Variants in RTF1 observed in about 807,000 individuals in gnomAD.
RTF1 encodes the protein RNA polymerase-associated protein RTF1 homolog.
In RTF1, 10 loss-of-function variants were observed where a neutral mutation model predicts 95.7. That is an observed-to-expected ratio of 0.10 (90% confidence interval 0.06 to 0.18). The LOEUF (loss-of-function observed/expected upper bound fraction) is 0.18. RTF1 is among the 10% of genes least tolerant of loss of function. The pLI, the probability that RTF1 is intolerant of heterozygous loss-of-function variation, is 1.00. For synonymous variants in RTF1, 305 were observed against 311.8 expected, an observed-to-expected ratio of 0.98 and a Z score of 0.23; for missense variants, 458 against 875.6, an observed-to-expected ratio of 0.52 and a Z score of 6.02.
chr15:41,423,803 A>G (rs576603687), intron 1 of RTF1, among the ~76,000 whole-genome samples: 1 of 151,882 alleles, frequency 6.6e-6, no homozygotes, highest in Non-Finnish European at 1.5e-5. Flanking sequence ...CCCAGGCTGG[A>G]GTGCAGTGGG....
chr15:41,479,153 A>G lies in RTF1; in HGVS notation c.1869A>G (p.Lys623=), dbSNP rs1391299061. The change falls in exon 16 of 18, where the codon AAA becomes AAG. Residue 623 remains lysine (K), a synonymous_variant. Transcript: ENST00000389629. ...QAAILAQLNA[K]YGSGVLPDAP... ...CCATCTTGGCCCAGCTGAATGCAAA[A>G]TACGGTTCTGGAGTGTTACCAGATG... 1 of 1,614,080 alleles carries G rather than the reference A, an allele frequency of 6.2e-7. No homozygotes were observed. Among genetic ancestry groups the G allele is most frequent in the Non-Finnish European group, 8.5e-7 (1 of 1,179,968 alleles).
At chr15:41,477,749 G>A (rs1176044681) in intron 14 of RTF1, among the ~76,000 whole-genome samples, 1 of 152,138 alleles carries the variant, frequency 6.6e-6, no homozygotes, top group Non-Finnish European at 1.5e-5. Context: ...ACAGGTATTT[G>A]TTTTTTCTCA....
chr15:41,479,542 A>G (rs898190783), intron 16 of RTF1, among the ~76,000 whole-genome samples: 2 of 152,178 alleles, frequency 1.3e-5, no homozygotes, highest in Non-Finnish European at 2.9e-5. Flanking sequence ...TAAAAGTGAA[A>G]GCTTGTTGAA....
chr15:41,475,503 A>T (rs1010931297), intron 9 of RTF1, 22 bp from the exon 10 acceptor site: 1 of 1,602,396 alleles, frequency 6.2e-7, no homozygotes, highest in African/African-American at 1.3e-5. Context: ...TTTCTTGGAG[A>T]TGCTGTCTCT....
In RTF1 at chr15:41,465,380, T is replaced by C. The variant is rs148195634; in HGVS notation, c.777+495T>C. Reference sequence around the variant, plus strand: ...CAGCCCTCAACTGCAGTGACTCACATGTGTAATCCCAGCACTTTGAGAGGC... The same window carrying C: ...CAGCCCTCAACTGCAGTGACTCACACGTGTAATCCCAGCACTTTGAGAGGC... On this transcript the variant is annotated intron_variant, in intron 5 of 17. Transcript: ENST00000389629. Among the ~76,000 whole-genome samples the C allele has an allele frequency of 2.9e-4, 44 of 152,184 alleles. No homozygotes were observed. In the East Asian group the frequency reaches 8.5e-3, roughly 29 times the overall value.
At chr15:41,438,580 G>T (rs1254379330) in intron 2 of RTF1, 149 bp downstream of exon 2, 1 of 524,680 alleles carries the variant, frequency 1.9e-6, no homozygotes. Context: ...TGTAAGGAAG[G>T]CCGGGCGCTG....
At chr15:41,480,491 C>T in intron 17 of RTF1, 90 bp from the exon 18 acceptor site, 1 of 1,060,284 alleles carries the variant, frequency 9.4e-7, no homozygotes, top group Non-Finnish European at 1.5e-6. Context: ...GGAACAGGGC[C>T]ACAGTCAGGA....
intron 2 of RTF1, among the ~76,000 whole-genome samples, chr15:41,450,053 A>G (rs548982491): frequency 2.9e-4 from 44 of 152,134 alleles, no homozygotes; most frequent in South Asian, 1.2e-3. Context: ...CAAATTAGCC[A>G]GGTATAGTGG....
At chr15:41,428,976 A>G (rs2050653947) in intron 1 of RTF1, among the ~76,000 whole-genome samples, 1 of 152,058 alleles carries the variant, frequency 6.6e-6, no homozygotes, top group Non-Finnish European at 1.5e-5. Flanking sequence ...ACCTCAAGTA[A>G]TCTGCCCATC....
intron 6 of RTF1, among the ~76,000 whole-genome samples, chr15:41,468,706 T>C (rs930340552): frequency 2.6e-5 from 4 of 152,132 alleles, no homozygotes; most frequent in Admixed American, 6.6e-5. Flanking sequence ...AATTTTCCTT[T>C]CGTTTACCAG....
chr15:41,457,652 T>A lies in RTF1; in HGVS notation c.458-20T>A, dbSNP rs769864327. ...TCTTCTGTAGCATAGTGTAATCTTGTGTTTGGGCCTTTGTTGCAGGTGAAG... is the reference window on the plus strand; with the variant it reads ...TCTTCTGTAGCATAGTGTAATCTTGAGTTTGGGCCTTTGTTGCAGGTGAAG... On this transcript the variant is annotated intron_variant, in intron 3 of 17. Coordinates refer to ENST00000389629, the MANE Select transcript of RTF1 (RefSeq NM_015138.5). 7.4e-6 allele frequency: 12 copies of A among 1,612,964 alleles called. No homozygotes were observed. Among genetic ancestry groups the A allele is most frequent in the Non-Finnish European group, 1.0e-5 (12 of 1,178,936 alleles).
intron 4 of RTF1, among the ~76,000 whole-genome samples, chr15:41,462,952 G>A (rs1171336148): frequency 5.9e-5 from 9 of 152,042 alleles, no homozygotes; most frequent in Non-Finnish European, 1.3e-4. Context: ...AAGAGGTCTC[G>A]CTATGTTGTC....
At chr15:41,418,864 T>A (rs1048260143) in intron 1 of RTF1, among the ~76,000 whole-genome samples, 7 of 150,848 alleles carry the variant, frequency 4.6e-5, no homozygotes, top group Admixed American at 1.3e-4. Context: ...TATTTATTTA[T>A]TTTTTTTTGA....
At chr15:41,478,412 A>G in intron 14 of RTF1, 136 bp from the exon 15 acceptor site, 1 of 544,086 alleles carries the variant, frequency 1.8e-6, no homozygotes, top group East Asian at 3.6e-5. Context: ...AAAAAAATTA[A>G]AAAAAAAAAA....
chr15:41,471,275 T>G lies in RTF1; in HGVS notation c.1129T>G (p.Phe377Val). Reference sequence around the variant, plus strand: ...GCTAGAACGCTGGTGTCACATGCCCTTCTTTGCTAAAACTGTCACAGGATG... The same window carrying G: ...GCTAGAACGCTGGTGTCACATGCCCGTCTTTGCTAAAACTGTCACAGGATG... ...HKLERWCHMP[F>V]FAKTVTGCFV... The change falls in exon 8 of 18, where the codon TTC (phenylalanine) becomes GTC (valine). Residue 377 changes from phenylalanine to valine, a missense_variant. Phe to Val is a conservative substitution (Grantham distance 50). Around this residue, in one of 11 missense-constraint regions of RTF1, gnomAD observed 150 missense variants for 275.7 expected, o/e 0.54. Coordinates refer to ENST00000389629, the MANE Select transcript of RTF1 (RefSeq NM_015138.5). 2 of 1,614,062 alleles carry G rather than the reference T, an allele frequency of 1.2e-6. No homozygotes were observed. The highest frequency in any genetic ancestry group is 1.7e-6 in the Non-Finnish European group (2 of 1,179,990).
At chr15:41,472,936 C>CAG (rs1555387484) in intron 8 of RTF1, among the ~76,000 whole-genome samples, 1 of 151,326 alleles carries the variant, frequency 6.6e-6, no homozygotes, top group Non-Finnish European at 1.5e-5. Context: ...CTCCTAACCT[C>CAG]GTGATCCGCC....
At chr15:41,458,740 C>G (rs1345230179) in intron 4 of RTF1, among the ~76,000 whole-genome samples, 1 of 151,618 alleles carries the variant, frequency 6.6e-6, no homozygotes, top group Non-Finnish European at 1.5e-5. Context: ...GAGCGAGACT[C>G]TGTCTCAATA....
At chr15:41,459,481 G>A (rs1595435386) in intron 4 of RTF1, among the ~76,000 whole-genome samples, 2 of 152,202 alleles carry the variant, frequency 1.3e-5, no homozygotes, top group Admixed American at 6.5e-5. Flanking sequence ...ATAAGATTGC[G>A]TTGGTTTTAG....
At position 41,480,774 on chromosome 15, in the gene RTF1, C is replaced by A; in HGVS notation, c.*87C>A. The A allele has an allele frequency of 2.1e-6, 2 of 940,074 alleles. No homozygotes were observed. Among genetic ancestry groups the A allele is most frequent in the Non-Finnish European group, 3.4e-6 (2 of 582,284 alleles). The allele number at this position is 940,074 out of a possible 1,614,324, so 58.2% of individuals were successfully genotyped here. ...TTTCCTTTGATTTAGCCTCTTTGGG[C>A]TGGAGCAGCTGTTGAACTGGGAAGA... On this transcript the variant is annotated 3_prime_UTR_variant, in exon 18 of 18. Coordinates refer to ENST00000389629, the MANE Select transcript of RTF1 (RefSeq NM_015138.5).
Sources: gnomAD v4.1 joint callset for allele counts (sites outside exome capture counted in the v4.1 genomes callset) on GRCh38, gnomAD v4.1.1 for gene constraint, gnomAD v4.1.1 regional missense constraint, MANE v1.5 for transcripts, NCBI Gene and HGNC (gene_info 2026-07-23, HGNC 2026-07-21) for gene names.